The following ST3GAL6 variants were observed in gnomAD, a reference collection of about 807,000 sequenced individuals.
The protein encoded by ST3GAL6 is type 2 lactosamine alpha-2,3-sialyltransferase.
A neutral mutation model predicts 40.5 loss-of-function variants in ST3GAL6; 31 were observed. The observed-to-expected ratio is 0.77, with a 90% CI of 0.58 to 1.03. The LOEUF is 1.03. Among genes scored for constraint, ST3GAL6 ranks in the 50% least tolerant of loss-of-function variants. The pLI, the probability that ST3GAL6 is intolerant of heterozygous loss-of-function variation, is 0.00. For synonymous variants in ST3GAL6, 129 were observed against 136.9 expected (o/e 0.94, Z 0.40); for missense variants, 357 against 393.2 (o/e 0.91, Z 0.78).
chr3:98,767,685 C>T (rs1938509774), intron 1 of ST3GAL6, among the ~76,000 whole-genome samples: 1 of 152,128 alleles, frequency 6.6e-6, no homozygotes, highest in Non-Finnish European at 1.5e-5. Context: ...AAAGAGAAAA[C>T]CAAACATGTT....
At chr3:98,746,489 A>C (rs1258249523) in intron 1 of ST3GAL6, among the ~76,000 whole-genome samples, 1 of 152,008 alleles carries the variant, frequency 6.6e-6, no homozygotes, top group African/African-American at 2.4e-5. Flanking sequence ...CAGAAGAGAA[A>C]TGCCCTTTGA....
chr3:98,774,863 T>G (rs537465782), intron 5 of ST3GAL6, among the ~76,000 whole-genome samples: 82 of 152,280 alleles, frequency 5.4e-4, no homozygotes, highest in Non-Finnish European at 1.1e-3. Flanking sequence ...TGACGTGAAG[T>G]GTGTATTTGT....
chr3:98,756,318 G>A, intron 1 of ST3GAL6: 1 of 1,271,302 alleles, frequency 7.9e-7, no homozygotes, highest in South Asian at 1.2e-5. Flanking sequence ...ACATTTTTCT[G>A]GGGCAGCTGA....
upstream of ST3GAL6, chr3:98,763,275 A>G (rs1937977759): frequency 7.8e-7 from 1 of 1,276,726 alleles, no homozygotes; most frequent in South Asian, 1.3e-5. Context: ...TAATAAGTAC[A>G]AAGAGGAAGG....
At chr3:98,782,370 T>G (rs1940216198) in intron 5 of ST3GAL6, 1 of 694,396 alleles carries the variant, frequency 1.4e-6, no homozygotes. Context: ...ATCAGCAATA[T>G]GATGCCCTTG....
At chr3:98,740,745 T>C (rs1199419293) in intron 1 of ST3GAL6, among the ~76,000 whole-genome samples, 4 of 152,224 alleles carry the variant, frequency 2.6e-5, no homozygotes, top group African/African-American at 9.6e-5. Context: ...ATTTAATCAG[T>C]GTTATCTGCC....
chr3:98,732,658 C>T (rs772299541), intron 1 of ST3GAL6: 11 of 513,716 alleles, frequency 2.1e-5, no homozygotes, highest in African/African-American at 4.1e-5. Flanking sequence ...TGGCGCCAGC[C>T]GCGGAGCAGG....
chr3:98,783,661 G>A (rs781445203), intron 5 of ST3GAL6: 103 of 985,354 alleles, frequency 1.0e-4, no homozygotes, highest in South Asian at 2.8e-4. Flanking sequence ...TCCACAAGGC[G>A]AGGTTTCAGG....
chr3:98,759,967 TAAAAA>T (rs1387540545), upstream of ST3GAL6, among the ~76,000 whole-genome samples: 2 of 151,926 alleles, frequency 1.3e-5, no homozygotes, highest in African/African-American at 4.8e-5. Flanking sequence ...TCCAGGGAAT[TAAAAA>T]CAAAAAACAA....
intron 5 of ST3GAL6, among the ~76,000 whole-genome samples, chr3:98,780,584 TAA>T (rs34947081): frequency 6.6e-6 from 1 of 152,020 alleles, no homozygotes; most frequent in Non-Finnish European, 1.5e-5. Flanking sequence ...TCCTGTTTTT[TAA>T]AAGTCCTTGA....
intron 1 of ST3GAL6, among the ~76,000 whole-genome samples, chr3:98,743,395 C>T (rs72930999): frequency 8.6e-4 from 131 of 152,086 alleles, no homozygotes; most frequent in African/African-American, 3.1e-3. Flanking sequence ...AATTCTGCTT[C>T]TCAGGTGAAC....
chr3:98,778,390 A>AT (rs1306565902), intron 5 of ST3GAL6, among the ~76,000 whole-genome samples: 2 of 152,142 alleles, frequency 1.3e-5, no homozygotes, highest in Non-Finnish European at 2.9e-5. Flanking sequence ...AAGAGTCCTA[A>AT]CTCTAAACGG....
intron 1 of ST3GAL6, chr3:98,732,854 C>T: frequency 6.6e-7 from 1 of 1,510,914 alleles, no homozygotes. Context: ...CCTCGGGCTT[C>T]TGCGGCCCGA....
At chr3:98,783,054 G>A (rs1035834348) in intron 5 of ST3GAL6, 16 of 237,798 alleles carry the variant, frequency 6.7e-5, no homozygotes, top group African/African-American at 1.9e-4. Context: ...TGAATGTTAC[G>A]TGTGCACTGA....
intron 1 of ST3GAL6, among the ~76,000 whole-genome samples, chr3:98,734,677 A>G (rs1935373264): frequency 6.6e-6 from 1 of 152,196 alleles, no homozygotes; most frequent in Non-Finnish European, 1.5e-5. Flanking sequence ...CTTATGCCCT[A>G]TATCAATAAT....
intron 1 of ST3GAL6, among the ~76,000 whole-genome samples, chr3:98,738,512 A>G (rs184791116): frequency 1.1e-3 from 165 of 152,290 alleles, no homozygotes; most frequent in South Asian, 3.5e-3. Context: ...TTCTGGGCTC[A>G]AGCAATCCTC....
chr3:98,759,184 A>T (rs960355319), upstream of ST3GAL6, among the ~76,000 whole-genome samples: 5 of 152,210 alleles, frequency 3.3e-5, no homozygotes, highest in Non-Finnish European at 4.4e-5. Flanking sequence ...GGGCTGGTTT[A>T]AAGGGAAGAA....
chr3:98,787,576 A>G (rs936563576), intron 6 of ST3GAL6, among the ~76,000 whole-genome samples: 5 of 152,186 alleles, frequency 3.3e-5, no homozygotes, highest in Middle Eastern at 3.2e-3. Flanking sequence ...TCAGAGTACA[A>G]CAATTTTGAT....
intron 1 of ST3GAL6, chr3:98,733,031 C>G (rs1358750957): frequency 5.6e-6 from 8 of 1,430,330 alleles, no homozygotes; most frequent in Non-Finnish European, 7.3e-6. Context: ...ATTGGGGGTG[C>G]GGGAAGACCG....
Sources: allele counts gnomAD v4.1 joint callset (sites outside exome capture counted in the v4.1 genomes callset), GRCh38; gene constraint gnomAD v4.1.1; transcripts MANE v1.5; gene names NCBI Gene and HGNC (gene_info 2026-07-23, HGNC 2026-07-21).